Variants in MOB3B observed in about 807,000 individuals in gnomAD.
The protein encoded by MOB3B is MOB kinase activator-like 2B.
Under a neutral mutation model 18.7 loss-of-function variants are expected in MOB3B, and 7 were observed. The observed-to-expected ratio is 0.37, with a 90% CI of 0.21 to 0.70. MOB3B has a LOEUF of 0.70. Ranked by LOEUF, MOB3B falls within the 30% of genes least tolerant of loss-of-function variation. MOB3B has a pLI of 0.52. For synonymous variants in MOB3B, 111 were observed against 99.9 expected (o/e 1.11, Z -0.66); for missense variants, 253 against 281.3 (o/e 0.90, Z 0.72).
chr9:27,510,368 T>C (rs574585518), intron 1 of MOB3B, among the ~76,000 whole-genome samples: 2 of 152,340 alleles, frequency 1.3e-5, no homozygotes, highest in East Asian at 3.8e-4. Context: ...CTCCCTGTAT[T>C]CCATCTTAAT....
chr9:27,410,801 G>A (rs1001282467), intron 2 of MOB3B, among the ~76,000 whole-genome samples: 2 of 152,032 alleles, frequency 1.3e-5, no homozygotes, highest in Admixed American at 6.6e-5. Flanking sequence ...TAGAAAATCT[G>A]GAAAATGAGA....
At chr9:27,391,652 T>C (rs1185851903) in intron 2 of MOB3B, 9 of 152,234 alleles carry the variant, frequency 5.9e-5, no homozygotes, top group Non-Finnish European at 1.3e-4. Context: ...TCAAGAGAAA[T>C]CTGCGTGGAG....
chr9:27,347,455 T>C (rs2131345135), intron 3 of MOB3B, among the ~76,000 whole-genome samples: 1 of 152,346 alleles, frequency 6.6e-6, no homozygotes, highest in African/African-American at 2.4e-5. Flanking sequence ...CTGGTGATAC[T>C]GGGGTTTGCA....
rs553511419 is a variant in MOB3B at position 27,509,794 on chromosome 9, G to A, written c.-199+19761C>T. On this transcript the variant is annotated intron_variant, in intron 1 of 3. Transcript: ENST00000262244. The stretch of plus-strand genomic sequence containing the variant: ...GGCTGGAGTGCAGTGGCACAATCCC[G>A]GCTCACTGCAACCTCCACCTCCTGG... Among the ~76,000 whole-genome samples the A allele has an allele frequency of 5.9e-5, 9 of 151,930 alleles. No individual in the cohort carries two copies. In the South Asian group the frequency reaches 6.2e-4, roughly 11 times the overall value.
chr9:27,404,678 A>G (rs868140427), intron 2 of MOB3B, among the ~76,000 whole-genome samples: 2 of 152,204 alleles, frequency 1.3e-5, no homozygotes, highest in Middle Eastern at 3.4e-3. Flanking sequence ...CATTTTCTTT[A>G]TAACTCATCT....
At chr9:27,454,997 A>T (rs975037764) in intron 2 of MOB3B, 136 bp downstream of exon 2, 1 of 916,858 alleles carries the variant, frequency 1.1e-6, no homozygotes. Context: ...TGAGGCTCTT[A>T]TATATCACTC....
intron 2 of MOB3B, among the ~76,000 whole-genome samples, chr9:27,377,749 C>T (rs1240539902): frequency 6.6e-6 from 1 of 152,210 alleles, no homozygotes; most frequent in African/African-American, 2.4e-5. Context: ...TAAAAACTAG[C>T]GAAATGTTCT....
chr9:27,389,593 A>G (rs1587175278), intron 2 of MOB3B, among the ~76,000 whole-genome samples: 1 of 152,134 alleles, frequency 6.6e-6, no homozygotes, highest in South Asian at 2.1e-4. Context: ...AGCACTCCCC[A>G]TCACTAGTTG....
intron 2 of MOB3B, among the ~76,000 whole-genome samples, chr9:27,359,529 A>T (rs1165489240): frequency 1.3e-5 from 2 of 152,222 alleles, no homozygotes; most frequent in African/African-American, 2.4e-5. Context: ...TCAGAAATTT[A>T]GAGTTATACT....
At chr9:27,426,256 T>C (rs149732299) in intron 2 of MOB3B, among the ~76,000 whole-genome samples, 274 of 152,300 alleles carry the variant, frequency 1.8e-3, no homozygotes, top group African/African-American at 6.3e-3. Context: ...AATAAAGTCA[T>C]GTACATTGAG....
chr9:27,382,364 T>G (rs983685580), intron 2 of MOB3B, among the ~76,000 whole-genome samples: 12 of 152,112 alleles, frequency 7.9e-5, no homozygotes, highest in African/African-American at 2.9e-4. Context: ...AGCCCCAGGT[T>G]CCCCTTAACA....
rs1587195817 is a variant in MOB3B at position 27,415,956 on chromosome 9, CT to C, written c.418+39176del. On this transcript the variant is annotated intron_variant, in intron 2 of 3. Transcript: ENST00000262244. ...TCACACAGACATATGATTAGATTTGCTTTTCACATGCTTTCACCCCTGGATT... is the reference window on the plus strand; with the variant it reads ...TCACACAGACATATGATTAGATTTGCTTTCACATGCTTTCACCCCTGGATT... 2.6e-5 allele frequency among the ~76,000 whole-genome samples: 4 copies of C among 152,158 alleles called. No homozygotes were observed. In the East Asian group the frequency reaches 7.7e-4, roughly 29 times the overall value.
chr9:27,405,209 G>A (rs907510838), intron 2 of MOB3B, among the ~76,000 whole-genome samples: 13 of 132,238 alleles, frequency 9.8e-5, no homozygotes, highest in African/African-American at 2.8e-4. Context: ...CGGAGTTCAA[G>A]CAATTCTCCT....
chr9:27,529,246 T>G (rs1269367579), intron 1 of MOB3B, among the ~76,000 whole-genome samples: 1 of 150,466 alleles, frequency 6.6e-6, no homozygotes, highest in African/African-American at 2.4e-5. Flanking sequence ...AGGACGATCT[T>G]ATTGATTTAT....
intron 1 of MOB3B, among the ~76,000 whole-genome samples, chr9:27,464,898 A>G (rs1563875364): frequency 6.6e-6 from 1 of 152,172 alleles, no homozygotes; most frequent in Non-Finnish European, 1.5e-5. Flanking sequence ...CCATGATTCA[A>G]TTATCTCCCC....
intron 1 of MOB3B, among the ~76,000 whole-genome samples, chr9:27,521,587 C>A (rs1820332392): frequency 6.6e-6 from 1 of 152,100 alleles, no homozygotes; most frequent in South Asian, 2.1e-4. Context: ...AAATGGGGAA[C>A]AAGCAGTTCT....
intron 1 of MOB3B, among the ~76,000 whole-genome samples, chr9:27,503,831 T>A (rs115576749): frequency 6.6e-6 from 1 of 152,218 alleles, no homozygotes; most frequent in African/African-American, 2.4e-5. Context: ...CCTCTTGGGA[T>A]TGGGCAACCC....
At chr9:27,441,364 G>A (rs1249999020) in intron 2 of MOB3B, among the ~76,000 whole-genome samples, 1 of 152,024 alleles carries the variant, frequency 6.6e-6, no homozygotes, top group Non-Finnish European at 1.5e-5. Flanking sequence ...TTCACTTAAA[G>A]GAAGCACTTT....
At position 27,529,782 on chromosome 9, in the gene MOB3B, C is replaced by T. The variant is rs1367532368; in HGVS notation, c.-426G>A. ...GCTCCGGAGCAGCCCCCTCATGCAC[C>T]CAGCGCGCCGCGCAGCCGGCCGGGG... is the stretch of plus-strand genomic sequence containing the variant. On this transcript the variant is annotated 5_prime_UTR_variant, in exon 1 of 4. Transcript: ENST00000262244. The T allele has an allele frequency of 1.0e-6, 1 of 985,386 alleles. No homozygotes were observed. Among genetic ancestry groups the T allele is most frequent in the East Asian group, 1.1e-4 (1 of 8,778 alleles). The allele number at this position is 985,386 out of a possible 1,614,324, so 61.0% of individuals were successfully genotyped here.
Sources: allele counts gnomAD v4.1 joint callset (sites outside exome capture counted in the v4.1 genomes callset), GRCh38; gene constraint gnomAD v4.1.1; transcripts MANE v1.5; gene names NCBI Gene and HGNC (gene_info 2026-07-23, HGNC 2026-07-21).